DCAF17: variants seen among roughly 807,000 people sequenced by gnomAD.
DCAF17 encodes the protein DDB1- and CUL4-associated factor 17.
DCAF17 carries 48 observed loss-of-function variants against 66.0 expected under a neutral mutation model. The ratio of observed to expected loss-of-function variants is 0.73; its 90% CI spans 0.58 to 0.92. The LOEUF (loss-of-function observed/expected upper bound fraction) is 0.92, where lower values mean the gene tolerates loss of function less well. Ranked by LOEUF, DCAF17 falls within the 40% of genes least tolerant of loss-of-function variation. DCAF17 has a pLI of 0.00. For synonymous variants in DCAF17, 206 were observed against 214.6 expected (o/e 0.96, Z 0.35); for missense variants, 562 against 622.8 (o/e 0.90, Z 1.04).
intron 11 of DCAF17, 100 bp downstream of exon 11, chr2:171,477,050 C>T: frequency 1.2e-6 from 1 of 858,836 alleles, no homozygotes; most frequent in Non-Finnish European, 1.9e-6. Context: ...CAGAAAACAA[C>T]AGCACAGCCC....
At chr2:171,464,563 C>T (rs1695785017) in intron 8 of DCAF17, among the ~76,000 whole-genome samples, 1 of 152,076 alleles carries the variant, frequency 6.6e-6, no homozygotes, top group Non-Finnish European at 1.5e-5. Flanking sequence ...CTGTAAAGAT[C>T]CTATTTGCAA....
At chr2:171,472,517 T>C (rs934375008) in intron 9 of DCAF17, among the ~76,000 whole-genome samples, 3 of 152,210 alleles carry the variant, frequency 2.0e-5, no homozygotes, top group Admixed American at 2.0e-4. Flanking sequence ...CTGTCTCTTA[T>C]TTGTAGCTAT....
intron 9 of DCAF17, 34 bp from the exon 10 acceptor site, chr2:171,473,832 A>T: frequency 6.5e-7 from 1 of 1,529,004 alleles, no homozygotes; most frequent in Non-Finnish European, 9.0e-7. Context: ...ATTTTCCCTT[A>T]ATCTTTGTCT....
rs1160490301 is a variant in DCAF17, at chr2:171,443,511, C to G, written c.231-12C>G. ...TCAAGAATAATAATCATTTATTTTT[C>G]TTTTTTCCCAGTGTTGCATCTGAGC... On this transcript the variant is annotated splice_polypyrimidine_tract_variant and intron_variant, in intron 2 of 13. Coordinates refer to ENST00000375255, the MANE Select transcript of DCAF17 (RefSeq NM_025000.4). The G allele has an allele frequency of 6.2e-7, 1 of 1,604,338 alleles. No individual in the cohort carries two copies. Among genetic ancestry groups the G allele is most frequent in the Non-Finnish European group, 8.5e-7 (1 of 1,172,824 alleles).
rs1695382973 is a variant in DCAF17, at chr2:171,458,386, A to G, written c.747A>G (p.Lys249=). The G allele has an allele frequency of 1.9e-6, 3 of 1,614,036 alleles. No individual in the cohort carries two copies. Among genetic ancestry groups the G allele is most frequent in the East Asian group, 2.2e-5 (1 of 44,858 alleles). The change falls in exon 8 of 14, where the codon AAA becomes AAG. Residue 249 remains lysine, a synonymous_variant. Transcript: ENST00000375255. The part of the protein sequence containing the change: ...QTIAEQFMQQ[K]LDLGCACRWG... ...TTTGTTTTTAGTTCATGCAACAGAA[A>G]CTTGACTTAGGGTGTGCATGCAGAT...
At chr2:171,450,034 C>T in intron 5 of DCAF17, 77 bp downstream of exon 5, 2 of 1,245,002 alleles carry the variant, frequency 1.6e-6, no homozygotes, top group East Asian at 4.8e-5. Flanking sequence ...TATGAAAAAT[C>T]TAATGATCTT....
At chr2:171,451,042 TAA>T (rs141488689) in intron 5 of DCAF17, among the ~76,000 whole-genome samples, 13 of 141,982 alleles carry the variant, frequency 9.2e-5, no homozygotes, top group Admixed American at 7.1e-5. Flanking sequence ...ACTCTAGCAT[TAA>T]AAAAAAAAAA....
chr2:171,436,190 A>G (rs962437897), intron 2 of DCAF17, among the ~76,000 whole-genome samples: 3 of 152,244 alleles, frequency 2.0e-5, no homozygotes, highest in African/African-American at 7.2e-5. Flanking sequence ...ATTGCATTGT[A>G]TCAATTACCA....
At chr2:171,454,103 A>T (rs1269828653) in intron 6 of DCAF17, among the ~76,000 whole-genome samples, 1 of 151,906 alleles carries the variant, frequency 6.6e-6, no homozygotes, top group Non-Finnish European at 1.5e-5. Context: ...CCAGGAATTC[A>T]AGGCTTTGAT....
intron 12 of DCAF17, among the ~76,000 whole-genome samples, chr2:171,479,309 T>TTTC (rs1696635582): frequency 6.6e-6 from 1 of 152,192 alleles, no homozygotes; most frequent in Non-Finnish European, 1.5e-5. Flanking sequence ...AGCCAAGATG[T>TTTC]ACCTTCCTGT....
chr2:171,457,422 G>T (rs913513707), intron 6 of DCAF17, among the ~76,000 whole-genome samples: 3 of 152,104 alleles, frequency 2.0e-5, no homozygotes, highest in African/African-American at 7.2e-5. Context: ...ATAAAAATAA[G>T]AATAATAGAA....
rs1329201016 is a variant in DCAF17 at position 171,482,131 on chromosome 2, T to C, written c.*1017T>C. On this transcript the variant is annotated 3_prime_UTR_variant, in exon 14 of 14. Transcript: ENST00000375255. ...TCCTTGACTTTTAATAATCATTCTTTAGAATGTTAAATAAAGGCAACCCAA... is the reference window on the plus strand; with the variant it reads ...TCCTTGACTTTTAATAATCATTCTTCAGAATGTTAAATAAAGGCAACCCAA... 1 of 448,312 alleles carries C rather than the reference T, an allele frequency of 2.2e-6. No homozygotes were observed. Among genetic ancestry groups the C allele is most frequent in the Admixed American group, 2.4e-5 (1 of 41,666 alleles). The allele number at this position is 448,312 out of a possible 1,614,324, so 27.8% of individuals were successfully genotyped here.
At chr2:171,446,295 C>T (rs989182432) in intron 3 of DCAF17, among the ~76,000 whole-genome samples, 5 of 152,050 alleles carry the variant, frequency 3.3e-5, no homozygotes, top group African/African-American at 9.7e-5. Flanking sequence ...CGCCTGTAAT[C>T]CCAGCACTTT....
chr2:171,483,489 C>T lies in DCAF17; in HGVS notation c.*2375C>T. On this transcript the variant is annotated 3_prime_UTR_variant, in exon 14 of 14. Coordinates refer to ENST00000375255, the MANE Select transcript of DCAF17 (RefSeq NM_025000.4). The stretch of plus-strand genomic sequence containing the variant: ...GCATCAATGCAGCAAGCTTATTGTT[C>T]CTCAATTTTTTACAATATTTATCAC... 1 of 454,022 alleles carries T rather than the reference C, an allele frequency of 2.2e-6. No individual in the cohort carries two copies. The highest frequency in any genetic ancestry group is 4.4e-6 in the Non-Finnish European group (1 of 226,788). The allele number at this position is 454,022 out of a possible 1,614,324, so 28.1% of individuals were successfully genotyped here. A position where few individuals can be genotyped will look rare whatever the true frequency, so the allele number is the denominator to read the frequency against.
chr2:171,470,833 T>G (rs772109023), intron 9 of DCAF17, among the ~76,000 whole-genome samples: 3 of 152,200 alleles, frequency 2.0e-5, no homozygotes, highest in Non-Finnish European at 4.4e-5. Context: ...ACAGCCGGCC[T>G]TCTATATCCG....
At chr2:171,452,413 T>G (rs771565382) in intron 5 of DCAF17, among the ~76,000 whole-genome samples, 65 of 152,184 alleles carry the variant, frequency 4.3e-4, no homozygotes, top group South Asian at 1.2e-3. Flanking sequence ...TTGATGATAT[T>G]ATTTCTAATT....
At chr2:171,453,509 C>G (rs1006002281) in intron 6 of DCAF17, among the ~76,000 whole-genome samples, 1 of 151,718 alleles carries the variant, frequency 6.6e-6, no homozygotes. Flanking sequence ...AGGAACATTC[C>G]AAAGCTTGTT....
intron 2 of DCAF17, among the ~76,000 whole-genome samples, chr2:171,442,236 C>G (rs1175565743): frequency 6.6e-6 from 1 of 152,082 alleles, no homozygotes; most frequent in South Asian, 2.1e-4. Context: ...TCTCTTTCAA[C>G]AGTAATTTAA....
intron 9 of DCAF17, among the ~76,000 whole-genome samples, chr2:171,472,286 TCTC>T (rs1229783711): frequency 1.3e-5 from 2 of 152,050 alleles, no homozygotes; most frequent in Non-Finnish European, 1.5e-5. Flanking sequence ...TTCAAGCCAT[TCTC>T]CTGCCTCAGC....
Sources: gnomAD v4.1 joint callset for allele counts (sites outside exome capture counted in the v4.1 genomes callset) on GRCh38, gnomAD v4.1.1 for gene constraint, MANE v1.5 for transcripts, NCBI Gene and HGNC (gene_info 2026-07-23, HGNC 2026-07-21) for gene names.